NAALADL2: variants seen among roughly 807,000 people sequenced by gnomAD.
NAALADL2 encodes inactive N-acetylated-alpha-linked acidic dipeptidase-like protein 2.
In NAALADL2, 76 loss-of-function variants were observed where a neutral mutation model predicts 87.2. The ratio of observed to expected loss-of-function variants is 0.87; its 90% CI spans 0.72 to 1.05. NAALADL2 has a LOEUF of 1.05. Among genes scored for constraint, NAALADL2 ranks in the 50% least tolerant of loss-of-function variants. The pLI is 0.00. For synonymous variants in NAALADL2, 354 were observed against 331.0 expected, an observed-to-expected ratio of 1.07 and a Z score of -0.75; for missense variants, 1,089 against 945.8, an observed-to-expected ratio of 1.15 and a Z score of -1.99.
chr3:174,843,186 T>C (rs887473799), intron 3 of NAALADL2, among the ~76,000 whole-genome samples: 1 of 152,170 alleles, frequency 6.6e-6, no homozygotes, highest in Admixed American at 6.5e-5. Flanking sequence ...TACTGTACAA[T>C]AGAGCATCAG....
At chr3:175,134,825 G>A (rs1454238795) in intron 2 of NAALADL2, among the ~76,000 whole-genome samples, 1 of 151,970 alleles carries the variant, frequency 6.6e-6, no homozygotes, top group Non-Finnish European at 1.5e-5. Flanking sequence ...TCTTTGTCTT[G>A]GCTCCAAGAT....
intron 2 of NAALADL2, among the ~76,000 whole-genome samples, chr3:174,652,382 A>G (rs1234779671): frequency 6.6e-6 from 1 of 152,196 alleles, no homozygotes; most frequent in African/African-American, 2.4e-5. Flanking sequence ...TCACATTGCT[A>G]TACGGATATA....
intron 1 of NAALADL2, among the ~76,000 whole-genome samples, chr3:174,900,238 C>T (rs938181716): frequency 6.6e-6 from 1 of 151,844 alleles, no homozygotes; most frequent in Non-Finnish European, 1.5e-5. Flanking sequence ...ATAAAATGGA[C>T]AAGTTAGAAT....
At chr3:174,493,613 G>C (rs985885404) in intron 1 of NAALADL2, among the ~76,000 whole-genome samples, 3 of 152,104 alleles carry the variant, frequency 2.0e-5, no homozygotes, top group African/African-American at 7.2e-5. Flanking sequence ...TCTTTAAATG[G>C]ATCTAGAGTA....
At chr3:175,574,816 AG>A (rs1161660743) in intron 9 of NAALADL2, among the ~76,000 whole-genome samples, 1 of 152,088 alleles carries the variant, frequency 6.6e-6, no homozygotes, top group Non-Finnish European at 1.5e-5. Flanking sequence ...GAAGCATGAG[AG>A]GTTGAAAAGT....
chr3:175,260,663 G>T (rs1480033337), intron 4 of NAALADL2, among the ~76,000 whole-genome samples: 9 of 152,124 alleles, frequency 5.9e-5, no homozygotes, highest in Non-Finnish European at 7.4e-5. Flanking sequence ...TGAACATTTT[G>T]TCTGGGAACA....
chr3:174,621,964 C>T lies in NAALADL2; in HGVS notation c.-115+71327C>T, dbSNP rs537154636. Among the ~76,000 whole-genome samples the T allele has an allele frequency of 2.0e-5, 3 of 152,264 alleles. No homozygotes were observed. In the South Asian group the frequency reaches 6.2e-4, roughly 32 times the overall value. ...TTGCTTCACCATCCCTAACAAAGGA[C>T]TCTCAAGATCTCATCCTGGTTTAAG... is the stretch of plus-strand genomic sequence containing the variant. On this transcript the variant is annotated intron_variant, in intron 2 of 3. Transcript: ENST00000434257.
intron 9 of NAALADL2, among the ~76,000 whole-genome samples, chr3:175,539,567 G>C (rs1464333592): frequency 2.6e-5 from 4 of 151,874 alleles, no homozygotes; most frequent in African/African-American, 7.3e-5. Context: ...TGACTTGGAG[G>C]TCTGGTGTAC....
At chr3:175,056,299 C>G (rs1203171892) in intron 1 of NAALADL2, among the ~76,000 whole-genome samples, 2 of 152,110 alleles carry the variant, frequency 1.3e-5, no homozygotes, top group Non-Finnish European at 2.9e-5. Flanking sequence ...TCCTTCTTAT[C>G]ATTAGTGTGA....
At chr3:174,814,761 A>T (rs1430683819) in intron 3 of NAALADL2, among the ~76,000 whole-genome samples, 1 of 152,194 alleles carries the variant, frequency 6.6e-6, no homozygotes, top group Non-Finnish European at 1.5e-5. Flanking sequence ...ATTTGTTTAC[A>T]TATAAACCAC....
chr3:174,561,608 A>G (rs1515594), intron 2 of NAALADL2, among the ~76,000 whole-genome samples: 51,982 of 151,810 alleles, frequency 0.34, 11,101 homozygotes, highest in East Asian at 0.69. Flanking sequence ...TGAGGGTAGA[A>G]GATTCTTGCT....
chr3:174,569,445 A>T (rs958969890), intron 2 of NAALADL2, among the ~76,000 whole-genome samples: 1 of 152,064 alleles, frequency 6.6e-6, no homozygotes, highest in African/African-American at 2.4e-5. Context: ...ACCCATTAGC[A>T]CTACATATTT....
chr3:175,483,864 C>T (rs151048711), intron 9 of NAALADL2, among the ~76,000 whole-genome samples: 1 of 152,178 alleles, frequency 6.6e-6, no homozygotes, highest in East Asian at 1.9e-4. Flanking sequence ...TGAGCATGTG[C>T]ACCCCAGGTC....
At chr3:175,718,227 T>TTTTTTTTTG in intron 11 of NAALADL2, 15 of 1,037,674 alleles carry the variant, frequency 1.4e-5, no homozygotes, top group Non-Finnish European at 2.0e-5. Context: ...TTTTTTTGAT[T>TTTTTTTTTG]AGTTGCTGTA....
intron 11 of NAALADL2, among the ~76,000 whole-genome samples, chr3:175,631,450 CTT>C (rs34282283): frequency 4.1e-4 from 57 of 139,008 alleles, no homozygotes; most frequent in African/African-American, 7.3e-4. Flanking sequence ...CCCTGTAGTT[CTT>C]TTTTTTTTTT....
chr3:175,065,396 A>C (rs2109107247), intron 1 of NAALADL2, among the ~76,000 whole-genome samples: 1 of 152,354 alleles, frequency 6.6e-6, no homozygotes, highest in African/African-American at 2.4e-5. Context: ...TCAGAGTCAA[A>C]AAACAAAGTG....
intron 2 of NAALADL2, among the ~76,000 whole-genome samples, chr3:175,226,571 G>T (rs1164218351): frequency 1.3e-5 from 2 of 152,086 alleles, no homozygotes; most frequent in Non-Finnish European, 2.9e-5. Flanking sequence ...TCAACATCTT[G>T]ATTGCATTAT....
intron 2 of NAALADL2, among the ~76,000 whole-genome samples, chr3:174,689,200 A>G (rs1728326354): frequency 1.3e-5 from 2 of 152,226 alleles, no homozygotes; most frequent in South Asian, 4.2e-4. Flanking sequence ...TTTTATATGC[A>G]CAGGGTATGA....
chr3:175,721,389 A>C (rs1408604041), intron 11 of NAALADL2, among the ~76,000 whole-genome samples: 2 of 152,094 alleles, frequency 1.3e-5, no homozygotes, highest in Admixed American at 6.6e-5. Flanking sequence ...TAATTATAAT[A>C]GCGTTGTAAA....
Sources: gnomAD v4.1 joint callset for allele counts (sites outside exome capture counted in the v4.1 genomes callset) on GRCh38, gnomAD v4.1.1 for gene constraint, MANE v1.5 for transcripts, NCBI Gene and HGNC (gene_info 2026-07-23, HGNC 2026-07-21) for gene names.